Variants in EFCAB11 observed in about 807,000 individuals in gnomAD.
EFCAB11 encodes the protein EF-hand calcium binding domain 11, also known as EF-hand calcium-binding domain-containing protein 11.
A neutral mutation model predicts 23.0 loss-of-function variants in EFCAB11; 14 were observed. The ratio of observed to expected loss-of-function variants is 0.61; its 90% CI spans 0.40 to 0.95. The LOEUF is 0.95. Among genes scored for constraint, EFCAB11 ranks in the 40% least tolerant of loss-of-function variants. The pLI, the probability that EFCAB11 is intolerant of heterozygous loss-of-function variation, is 0.00. For missense variants in EFCAB11, 198 were observed against 195.8 expected (o/e 1.01, Z -0.07); for synonymous variants, 65 against 66.6 (o/e 0.98, Z 0.11).
At chr14:89,840,916 T>G (rs1887241300) in intron 5 of EFCAB11, among the ~76,000 whole-genome samples, 1 of 152,214 alleles carries the variant, frequency 6.6e-6, no homozygotes, top group Non-Finnish European at 1.5e-5. Context: ...AAGATGAGAC[T>G]GCTGTAATTA....
intron 5 of EFCAB11, chr14:89,892,173 A>G (rs1232952956): frequency 6.3e-7 from 1 of 1,575,346 alleles, no homozygotes; most frequent in Non-Finnish European, 8.6e-7. Flanking sequence ...CTGGTTGGCC[A>G]CAAGAGTGAC....
intron 5 of EFCAB11, among the ~76,000 whole-genome samples, chr14:89,879,895 C>T (rs1222691994): frequency 1.3e-5 from 2 of 152,104 alleles, no homozygotes; most frequent in African/African-American, 4.8e-5. Flanking sequence ...AGGGATGTTA[C>T]AGAAAACTTT....
chr14:89,887,284 G>T (rs1267609773), intron 5 of EFCAB11, among the ~76,000 whole-genome samples: 3 of 152,232 alleles, frequency 2.0e-5, no homozygotes, highest in Non-Finnish European at 2.9e-5. Context: ...GATAGGAAAG[G>T]CCTCTCTGAT....
chr14:89,953,218 A>C (rs1165104425), intron 2 of EFCAB11, among the ~76,000 whole-genome samples: 1 of 152,060 alleles, frequency 6.6e-6, no homozygotes, highest in African/African-American at 2.4e-5. Flanking sequence ...AAAAAAAAAA[A>C]AAACCCCACC....
rs1252158597 is a variant in EFCAB11 at position 89,885,779 on chromosome 14, GAGAGAA to G, written c.410+45756_410+45761del. ...GAAAGGAAAGAAAGAAAGAAAGAAA[GAGAGAA>G]AGAAAGAAAGAAGACAGCAACTAAA... On this transcript the variant is annotated intron_variant, in intron 5 of 5. Coordinates refer to ENST00000316738, the MANE Select transcript of EFCAB11 (RefSeq NM_145231.4). 2.8e-4 allele frequency among the ~76,000 whole-genome samples: 42 copies of G among 148,130 alleles called. 1 individual carries two copies. The South Asian group carries it at 5.0e-3, about 17-fold the overall frequency.
At chr14:89,816,320 C>G (rs1288990988) in intron 5 of EFCAB11, among the ~76,000 whole-genome samples, 1 of 152,016 alleles carries the variant, frequency 6.6e-6, no homozygotes, top group African/African-American at 2.4e-5. Flanking sequence ...ATGTTGTCAG[C>G]AAACAAGGAT....
At chr14:89,932,778 C>A in intron 3 of EFCAB11, 151 bp from the exon 4 acceptor site, 1 of 656,470 alleles carries the variant, frequency 1.5e-6, no homozygotes, top group Non-Finnish European at 2.5e-6. Context: ...TGTGAAGTTT[C>A]CTGAAGACCG....
At chr14:89,954,061 T>A (rs1318064828) in intron 1 of EFCAB11, 60 bp from the exon 2 acceptor site, 1 of 1,449,518 alleles carries the variant, frequency 6.9e-7, no homozygotes, top group African/African-American at 1.4e-5. Context: ...TTATTACTAG[T>A]TTATTATACA....
At chr14:89,880,445 G>A (rs1265147012) in intron 5 of EFCAB11, among the ~76,000 whole-genome samples, 2 of 152,152 alleles carry the variant, frequency 1.3e-5, no homozygotes, top group South Asian at 2.1e-4. Context: ...AAGACGAACT[G>A]CATTCTCCTG....
intron 5 of EFCAB11, among the ~76,000 whole-genome samples, chr14:89,811,063 C>A (rs1441944799): frequency 6.6e-6 from 1 of 151,984 alleles, no homozygotes; most frequent in South Asian, 2.1e-4. Context: ...GAAGCAGGAC[C>A]TGGCTGAAAT....
chr14:89,872,954 G>A (rs576460796), intron 5 of EFCAB11, among the ~76,000 whole-genome samples: 32 of 152,314 alleles, frequency 2.1e-4, no homozygotes, highest in Admixed American at 5.2e-4. Flanking sequence ...GACCAACCCT[G>A]TTGCTTTCTC....
chr14:89,877,635 G>T (rs1888481358), intron 5 of EFCAB11, among the ~76,000 whole-genome samples: 1 of 152,110 alleles, frequency 6.6e-6, no homozygotes, highest in South Asian at 2.1e-4. Context: ...GTCATTAGTG[G>T]TACATAATAT....
chr14:89,953,510 T>C (rs1891269824), intron 2 of EFCAB11, among the ~76,000 whole-genome samples: 2 of 152,244 alleles, frequency 1.3e-5, no homozygotes, highest in African/African-American at 4.8e-5. Flanking sequence ...TATACCTTTC[T>C]GCACTGTTTT....
intron 5 of EFCAB11, among the ~76,000 whole-genome samples, chr14:89,887,716 T>C (rs1262570427): frequency 6.6e-6 from 1 of 152,188 alleles, no homozygotes; most frequent in Non-Finnish European, 1.5e-5. Flanking sequence ...ACTGTAAATA[T>C]ATTCCTGGGA....
chr14:89,946,410 T>A (rs180758710), intron 3 of EFCAB11, among the ~76,000 whole-genome samples: 46 of 152,312 alleles, frequency 3.0e-4, no homozygotes, highest in Non-Finnish European at 4.6e-4. Flanking sequence ...CAGAGTTAGT[T>A]GGTACTCTTT....
intron 5 of EFCAB11, among the ~76,000 whole-genome samples, chr14:89,842,234 C>T (rs1294007134): frequency 6.6e-6 from 1 of 152,218 alleles, no homozygotes; most frequent in Non-Finnish European, 1.5e-5. Flanking sequence ...GCCACAATGA[C>T]CCCTAGTGGG....
chr14:89,868,345 T>G (rs533415896), intron 5 of EFCAB11, among the ~76,000 whole-genome samples: 1 of 152,362 alleles, frequency 6.6e-6, no homozygotes, highest in East Asian at 1.9e-4. Flanking sequence ...ATTATGTATA[T>G]TTAAACCACT....
chr14:89,862,619 C>T (rs965377480), intron 5 of EFCAB11, among the ~76,000 whole-genome samples: 2 of 152,182 alleles, frequency 1.3e-5, no homozygotes, highest in African/African-American at 4.8e-5. Flanking sequence ...GTTGTGTTGA[C>T]TAGTCTGAAA....
intron 3 of EFCAB11, among the ~76,000 whole-genome samples, chr14:89,932,930 C>T (rs1185076267): frequency 6.6e-6 from 1 of 152,190 alleles, no homozygotes; most frequent in African/African-American, 2.4e-5. Flanking sequence ...TAACACTCTT[C>T]CCTCTAACAG....
Sources: allele counts gnomAD v4.1 joint callset (sites outside exome capture counted in the v4.1 genomes callset), GRCh38; gene constraint gnomAD v4.1.1; transcripts MANE v1.5; gene names NCBI Gene and HGNC (gene_info 2026-07-23, HGNC 2026-07-21).